The following CHCHD4 variants were observed in gnomAD, a reference collection of about 807,000 sequenced individuals.
The protein encoded by CHCHD4 is mitochondrial intermembrane space import and assembly protein 40.
A neutral mutation model predicts 12.4 loss-of-function variants in CHCHD4; 7 were observed. That is an observed-to-expected ratio of 0.57 (90% CI 0.32 to 1.06). CHCHD4 has a LOEUF of 1.06. Ranked by LOEUF, CHCHD4 falls within the 50% of genes least tolerant of loss-of-function variation. The pLI is 0.04. For missense variants in CHCHD4, 143 were observed against 175.1 expected, an observed-to-expected ratio of 0.82 and a Z score of 1.03; for synonymous variants, 56 against 58.0, an observed-to-expected ratio of 0.97 and a Z score of 0.16.
At chr3:14,118,514 T>C (rs12488492) in intron 1 of CHCHD4, among the ~76,000 whole-genome samples, 14,321 of 152,240 alleles carry the variant, frequency 0.094, 854 homozygotes, top group Non-Finnish European at 0.11. Flanking sequence ...GAGGGCACTT[T>C]GGTGCCTTAC....
intron 1 of CHCHD4, chr3:14,121,946 C>T: frequency 6.2e-7 from 1 of 1,614,004 alleles, no homozygotes; most frequent in South Asian, 1.1e-5. Flanking sequence ...GTGGTAGTAC[C>T]TGGTGGTCAC....
chr3:14,118,766 C>T lies in CHCHD4; in HGVS notation c.23-2242G>A, dbSNP rs115341598. The stretch of plus-strand genomic sequence containing the variant: ...ACCTAGTAACCTTGATTCTACTATT[C>T]TGGCCAGTTTCCAAAATACTCAAAA... On this transcript the variant is annotated intron_variant, in intron 1 of 2. Coordinates refer to ENST00000396914, the MANE Select transcript of CHCHD4 (RefSeq NM_001098502.2). Among the ~76,000 whole-genome samples the T allele has an allele frequency of 4.1e-3, 618 of 152,348 alleles. 5 individuals carry two copies. Among genetic ancestry groups the T allele is most frequent in the African/African-American group, 0.014 (594 of 41,578 alleles).
chr3:14,117,597 T>C (rs576179433), intron 1 of CHCHD4, among the ~76,000 whole-genome samples: 5 of 152,300 alleles, frequency 3.3e-5, no homozygotes, highest in East Asian at 1.9e-4. Context: ...GATATTCCCA[T>C]TGTGGGCAAG....
At chr3:14,122,521 G>A (rs1694946468) in intron 1 of CHCHD4, among the ~76,000 whole-genome samples, 1 of 152,248 alleles carries the variant, frequency 6.6e-6, no homozygotes, top group South Asian at 2.1e-4. Flanking sequence ...GAGGCTGAGA[G>A]CCCTTGAATG....
intron 1 of CHCHD4, among the ~76,000 whole-genome samples, chr3:14,122,893 T>G (rs1257620212): frequency 6.6e-6 from 1 of 152,136 alleles, no homozygotes; most frequent in East Asian, 1.9e-4. Context: ...ACCAAGGGAA[T>G]AGCCAAGAGG....
At chr3:14,124,460 C>A (rs1051835533) in intron 1 of CHCHD4, among the ~76,000 whole-genome samples, 195 bp downstream of exon 1, 3 of 152,114 alleles carry the variant, frequency 2.0e-5, no homozygotes, top group African/African-American at 7.2e-5. Context: ...GCCCCGTTCC[C>A]CCCAGAGCTT....
Position 14,112,869 on chromosome 3 carries a change from A to C in CHCHD4, c.*18T>G. The stretch of plus-strand genomic sequence containing the variant: ...GTCCACTCCAAAAGGACTGGTGCCC[A>C]GTGCCTTGTGGCCTTCATTAACTTG... On this transcript the variant is annotated 3_prime_UTR_variant, in exon 3 of 3. Transcript: ENST00000396914. The C allele has an allele frequency of 1.9e-6, 3 of 1,595,860 alleles. No homozygotes were observed. In the South Asian group the frequency reaches 3.4e-5, roughly 18 times the overall value.
chr3:14,115,673 G>A (rs570480801), intron 2 of CHCHD4, among the ~76,000 whole-genome samples: 3 of 152,198 alleles, frequency 2.0e-5, no homozygotes, highest in East Asian at 1.9e-4. Context: ...TTCCAATCAG[G>A]AGCCCATATT....
intron 1 of CHCHD4, among the ~76,000 whole-genome samples, chr3:14,117,958 T>C (rs1029858050): frequency 3.3e-5 from 5 of 152,346 alleles, no homozygotes; most frequent in Admixed American, 2.6e-4. Flanking sequence ...CTTGTGCACC[T>C]TGGGCAATGA....
intron 2 of CHCHD4, among the ~76,000 whole-genome samples, chr3:14,115,290 G>T (rs2731315): frequency 0.63 from 95,925 of 151,966 alleles, 31,668 homozygotes; most frequent in African/African-American, 0.84. Flanking sequence ...ACAGGGACAG[G>T]AAAGAATGGT....
chr3:14,121,416 C>CAAA (rs900927492), intron 1 of CHCHD4, among the ~76,000 whole-genome samples: 1 of 152,054 alleles, frequency 6.6e-6, no homozygotes, highest in South Asian at 2.1e-4. Context: ...TGAGTGAGAC[C>CAAA]AAAAAATCCC....
chr3:14,114,294 G>A (rs575901792), intron 2 of CHCHD4, among the ~76,000 whole-genome samples: 3 of 152,060 alleles, frequency 2.0e-5, no homozygotes, highest in South Asian at 4.1e-4. Context: ...CTTAGCAGGC[G>A]CAGACCCCCA....
intron 1 of CHCHD4, among the ~76,000 whole-genome samples, chr3:14,119,614 GAAAT>G (rs916211607): frequency 3.9e-5 from 6 of 152,338 alleles, no homozygotes; most frequent in African/African-American, 1.4e-4. Flanking sequence ...TTTCTCTAGA[GAAAT>G]AAAATTTAAA....
chr3:14,121,614 T>A (rs1029090117), intron 1 of CHCHD4, among the ~76,000 whole-genome samples: 15 of 152,208 alleles, frequency 9.9e-5, no homozygotes, highest in African/African-American at 3.6e-4. Context: ...TTATTTTCTT[T>A]CGTTTTTGGC....
intron 1 of CHCHD4, among the ~76,000 whole-genome samples, chr3:14,118,567 T>A (rs1694899883): frequency 6.6e-6 from 1 of 152,006 alleles, no homozygotes; most frequent in East Asian, 1.9e-4. Context: ...TAGAACAGAG[T>A]AACAACAAAA....
chr3:14,117,987 G>A (rs950940638), intron 1 of CHCHD4, among the ~76,000 whole-genome samples: 5 of 152,226 alleles, frequency 3.3e-5, no homozygotes, highest in African/African-American at 1.2e-4. Context: ...AATAAATTCT[G>A]ACCCAACCTC....
At chr3:14,122,855 C>T (rs893210835) in intron 1 of CHCHD4, among the ~76,000 whole-genome samples, 1 of 152,060 alleles carries the variant, frequency 6.6e-6, no homozygotes, top group Non-Finnish European at 1.5e-5. Context: ...GAGTCAGCCA[C>T]GGAAGAGCTG....
intron 1 of CHCHD4, among the ~76,000 whole-genome samples, chr3:14,119,648 C>A (rs1694912140): frequency 6.6e-6 from 1 of 152,156 alleles, no homozygotes; most frequent in African/African-American, 2.4e-5. Context: ...GTTTTTATTT[C>A]TAAGATAAGC....
At chr3:14,115,139 G>C (rs1347712162) in intron 2 of CHCHD4, among the ~76,000 whole-genome samples, 1 of 152,134 alleles carries the variant, frequency 6.6e-6, no homozygotes, top group African/African-American at 2.4e-5. Flanking sequence ...TTGAAACTTG[G>C]GTCCCAGAGT....
Sources: gnomAD v4.1 joint callset for allele counts (sites outside exome capture counted in the v4.1 genomes callset) on GRCh38, gnomAD v4.1.1 for gene constraint, MANE v1.5 for transcripts, NCBI Gene and HGNC (gene_info 2026-07-23, HGNC 2026-07-21) for gene names.